The following MAD1L1 variants were observed in gnomAD, a reference collection of about 807,000 sequenced individuals.
The protein encoded by MAD1L1 is mitotic arrest deficient 1 like 1, also known as mitotic spindle assembly checkpoint protein MAD1.
In MAD1L1, 95 loss-of-function variants were observed where a neutral mutation model predicts 96.9. The observed-to-expected ratio is 0.98, with a 90% confidence interval of 0.83 to 1.16. The LOEUF (loss-of-function observed/expected upper bound fraction) is 1.16, where lower values mean the gene tolerates loss of function less well. MAD1L1 is among the 50% of genes most tolerant of loss of function. MAD1L1 has a pLI of 0.00. For synonymous variants in MAD1L1, 473 were observed against 396.6 expected (o/e 1.19, Z -2.29); for missense variants, 1,007 against 954.4 (o/e 1.06, Z -0.73).
intron 18 of MAD1L1, among the ~76,000 whole-genome samples, chr7:1,877,202 G>A (rs1363134139): frequency 6.6e-6 from 1 of 152,032 alleles, no homozygotes; most frequent in East Asian, 1.9e-4. Flanking sequence ...CAACCCATGG[G>A]CCAATTCTGG....
Position 2,119,047 on chromosome 7 carries a change from C to T in MAD1L1, c.1073+30105G>A, listed in dbSNP as rs1417676521. On this transcript the variant is annotated intron_variant, in intron 11 of 18. Transcript: ENST00000265854. The surrounding 1 kb of genome is among the most constrained non-coding windows in gnomAD (Gnocchi z 4.6). ...CCCACGTGACGGTCTGCCTCCCAGA[C>T]CCCTGCGCGGACAAGCAGGAGCGGC... Among the ~76,000 whole-genome samples, 1 of 152,142 alleles carries T rather than the reference C, an allele frequency of 6.6e-6. No homozygotes were observed. Among genetic ancestry groups the T allele is most frequent in the Non-Finnish European group, 1.5e-5 (1 of 68,018 alleles).
At chr7:1,986,526 C>A (rs982157930) in intron 14 of MAD1L1, among the ~76,000 whole-genome samples, 34 of 151,472 alleles carry the variant, frequency 2.2e-4, no homozygotes, top group African/African-American at 7.8e-4. Flanking sequence ...CTCCGCGGCT[C>A]CCTCGCGCCG....
intron 17 of MAD1L1, among the ~76,000 whole-genome samples, chr7:1,914,312 G>A (rs994854226): frequency 6.6e-6 from 1 of 151,752 alleles, no homozygotes; most frequent in Non-Finnish European, 1.5e-5. Flanking sequence ...AGATGTGTCC[G>A]GGGCAGGGAT....
At chr7:1,973,639 G>A (rs374419412) in intron 15 of MAD1L1, among the ~76,000 whole-genome samples, 4 of 152,136 alleles carry the variant, frequency 2.6e-5, no homozygotes, top group African/African-American at 4.8e-5. Flanking sequence ...TGCCTGTCTC[G>A]CCACCACCAC....
chr7:1,951,240 G>C (rs1007259896), intron 16 of MAD1L1, among the ~76,000 whole-genome samples: 1 of 152,266 alleles, frequency 6.6e-6, no homozygotes, highest in Non-Finnish European at 1.5e-5. Context: ...AGAGCTGGCA[G>C]GAGGCCTCAG....
intron 17 of MAD1L1, among the ~76,000 whole-genome samples, chr7:1,909,498 C>T (rs56378552): frequency 0.038 from 5,779 of 152,282 alleles, 232 homozygotes; most frequent in African/African-American, 0.095. Context: ...CGATTTGTAT[C>T]CGGGTCCTGG....
chr7:2,216,127 GCGGC>G (rs1437946980), intron 8 of MAD1L1, 26 bp downstream of exon 8: 17 of 1,609,444 alleles, frequency 1.1e-5, no homozygotes, highest in African/African-American at 2.7e-5. Flanking sequence ...CTCACTCGAG[GCGGC>G]TGCCCCATCC....
chr7:1,822,118 A>G (rs1782156936), intron 18 of MAD1L1, among the ~76,000 whole-genome samples: 2 of 152,164 alleles, frequency 1.3e-5, no homozygotes, highest in African/African-American at 4.8e-5. Flanking sequence ...TGAGTCCACG[A>G]AGGTTGCAGG....
At chr7:2,094,367 CCT>C (rs977308545) in intron 11 of MAD1L1, among the ~76,000 whole-genome samples, 2 of 152,224 alleles carry the variant, frequency 1.3e-5, no homozygotes, top group African/African-American at 4.8e-5. Flanking sequence ...CCCGAGCACC[CCT>C]GTGTGTTGGA....
At chr7:2,144,686 AG>A (rs1253750125) in intron 11 of MAD1L1, among the ~76,000 whole-genome samples, 2 of 152,110 alleles carry the variant, frequency 1.3e-5, no homozygotes, top group African/African-American at 4.8e-5. Flanking sequence ...GGGCCCGGAA[AG>A]GGAAGGGAGG....
At chr7:2,127,872 G>A (rs1788308060) in intron 11 of MAD1L1, among the ~76,000 whole-genome samples, 1 of 152,146 alleles carries the variant, frequency 6.6e-6, no homozygotes, top group South Asian at 2.1e-4. Flanking sequence ...CAGGCACGCA[G>A]CTGGCAATGG....
At chr7:1,898,940 C>T (rs115809766) in intron 17 of MAD1L1, among the ~76,000 whole-genome samples, 2,513 of 152,270 alleles carry the variant, frequency 0.017, 64 homozygotes, top group African/African-American at 0.058. Context: ...TGAGGCTGGA[C>T]GCCTACCCCA....
intron 10 of MAD1L1, among the ~76,000 whole-genome samples, chr7:2,210,466 TCGGGACCGCCAGCCCGCA>T (rs1792868386): frequency 2.3e-5 from 3 of 128,600 alleles, no homozygotes; most frequent in African/African-American, 5.3e-5. Context: ...GGAGCCGTAT[TCGGGACCGCCAGCCCGCA>T]TTCCCGTGGA....
intron 14 of MAD1L1, among the ~76,000 whole-genome samples, chr7:1,981,258 T>G (rs1044112349): frequency 6.6e-6 from 1 of 152,174 alleles, no homozygotes; most frequent in African/African-American, 2.4e-5. Context: ...TGAGCCGGTG[T>G]GCCCGGCCAG....
chr7:1,847,228 G>A (rs1288120350), intron 18 of MAD1L1: 3 of 470,352 alleles, frequency 6.4e-6, no homozygotes, highest in Non-Finnish European at 1.3e-5. Flanking sequence ...TCCAACTGAC[G>A]CTTGTCCTTT....
At chr7:2,016,813 T>C (rs186041857) in intron 12 of MAD1L1, among the ~76,000 whole-genome samples, 77 of 152,398 alleles carry the variant, frequency 5.1e-4, no homozygotes, top group African/African-American at 1.8e-3. Flanking sequence ...ACGGGTCACG[T>C]ATCTGTGGAA....
intron 11 of MAD1L1, among the ~76,000 whole-genome samples, chr7:2,143,173 C>A (rs1178293599): frequency 6.6e-6 from 1 of 152,036 alleles, no homozygotes; most frequent in African/African-American, 2.4e-5. Context: ...CTCAAAACCC[C>A]CAACAGGAGT....
chr7:1,912,300 A>T (rs370325900), intron 17 of MAD1L1, among the ~76,000 whole-genome samples: 42 of 152,234 alleles, frequency 2.8e-4, no homozygotes, highest in African/African-American at 9.9e-4. Flanking sequence ...GTGTGGCTCA[A>T]AAGGAAAACT....
intron 15 of MAD1L1, among the ~76,000 whole-genome samples, chr7:1,977,902 G>T (rs1387742548): frequency 6.6e-6 from 1 of 152,226 alleles, no homozygotes; most frequent in Admixed American, 6.5e-5. Flanking sequence ...AGCCACAGCT[G>T]CAACTCCCCA....
Sources: gnomAD v4.1 joint callset for allele counts (sites outside exome capture counted in the v4.1 genomes callset) on GRCh38, gnomAD v4.1.1 for gene constraint, Gnocchi (gnomAD v3.1) non-coding constraint, MANE v1.5 for transcripts, NCBI Gene and HGNC (gene_info 2026-07-23, HGNC 2026-07-21) for gene names.